Variants in PDSS2 observed in about 807,000 individuals in gnomAD.
PDSS2 encodes decaprenyl diphosphate synthase subunit 2, also known as all trans-polyprenyl-diphosphate synthase PDSS2.
Under a neutral mutation model 44.5 loss-of-function variants are expected in PDSS2, and 31 were observed. The observed-to-expected ratio is 0.70, with a 90% CI of 0.52 to 0.94. The LOEUF (loss-of-function observed/expected upper bound fraction) is 0.94. Ranked by LOEUF, PDSS2 falls within the 40% of genes least tolerant of loss-of-function variation. PDSS2 has a pLI of 0.00. For missense variants in PDSS2, 452 were observed against 482.2 expected, an observed-to-expected ratio of 0.94 and a Z score of 0.59; for synonymous variants, 157 against 180.3, an observed-to-expected ratio of 0.87 and a Z score of 1.03.
chr6:107,194,510 C>T (rs1407462936), intron 6 of PDSS2, among the ~76,000 whole-genome samples: 1 of 152,156 alleles, frequency 6.6e-6, no homozygotes, highest in Non-Finnish European at 1.5e-5. Context: ...TAACTTGTTT[C>T]TGTTTTGCTT....
At chr6:107,458,934 A>C in intron 1 of PDSS2, 56 bp downstream of exon 1, 1 of 1,543,568 alleles carries the variant, frequency 6.5e-7, no homozygotes, top group Non-Finnish European at 8.9e-7. Flanking sequence ...TATGCCCGCC[A>C]GAAAAAAAAG....
At chr6:107,168,572 C>T (rs1317999452) in intron 7 of PDSS2, among the ~76,000 whole-genome samples, 5 of 151,550 alleles carry the variant, frequency 3.3e-5, no homozygotes, top group African/African-American at 7.3e-5. Context: ...TTCCTAGCCT[C>T]GATGGTCTTT....
rs1554279679 is a variant in PDSS2, at chr6:107,424,036, C to CATTTTTT, written c.296+34953_296+34954insAAAAAAT. On this transcript the variant is annotated intron_variant, in intron 1 of 7. Transcript: ENST00000369037. ...AATTATGATTATTTTTATCTTGCAT[C>CATTTTTT]TTTTTTTTTTTTTTTTTTTTTTTGG... Among the ~76,000 whole-genome samples the CATTTTTT allele has an allele frequency of 4.4e-4, 40 of 90,580 alleles. 9 individuals carry two copies. Among genetic ancestry groups the CATTTTTT allele is most frequent in the African/African-American group, 8.2e-4 (18 of 21,954 alleles). The allele number at this position is 90,580 out of a possible 152,430, so 59.4% of individuals were successfully genotyped here.
At chr6:107,332,260 A>G (rs1179098028) in intron 2 of PDSS2, among the ~76,000 whole-genome samples, 1 of 151,958 alleles carries the variant, frequency 6.6e-6, no homozygotes, top group African/African-American at 2.4e-5. Flanking sequence ...ACATGCCACC[A>G]TGTCTGGCTA....
At chr6:107,228,555 C>T (rs1022961304) in intron 4 of PDSS2, among the ~76,000 whole-genome samples, 2 of 151,884 alleles carry the variant, frequency 1.3e-5, no homozygotes, top group Admixed American at 6.6e-5. Context: ...ATTAGCTGGG[C>T]GTGGTGGCAA....
intron 2 of PDSS2, among the ~76,000 whole-genome samples, chr6:107,322,051 T>G (rs1178425432): frequency 6.6e-6 from 1 of 152,338 alleles, no homozygotes; most frequent in African/African-American, 2.4e-5. Context: ...TAGATCAACC[T>G]ACACTCTTGC....
intron 1 of PDSS2, among the ~76,000 whole-genome samples, chr6:107,380,569 G>A (rs549405680): frequency 3.9e-5 from 6 of 152,236 alleles, no homozygotes; most frequent in Non-Finnish European, 8.8e-5. Context: ...TCCAGCCTGG[G>A]AGTAAAACTT....
At chr6:107,261,258 A>G (rs1374299338) in intron 3 of PDSS2, among the ~76,000 whole-genome samples, 1 of 152,170 alleles carries the variant, frequency 6.6e-6, no homozygotes, top group Non-Finnish European at 1.5e-5. Context: ...ACCCCAATGC[A>G]GGAGGTGGGG....
chr6:107,399,258 T>C (rs528391722), intron 1 of PDSS2, among the ~76,000 whole-genome samples: 1 of 152,326 alleles, frequency 6.6e-6, no homozygotes, highest in South Asian at 2.1e-4. Flanking sequence ...GTACCTACCC[T>C]TGGTCTTATC....
chr6:107,386,384 A>AC, intron 1 of PDSS2, among the ~76,000 whole-genome samples: 1 of 151,978 alleles, frequency 6.6e-6, no homozygotes, highest in Middle Eastern at 3.4e-3. Context: ...TTTTCTAAAA[A>AC]AAAAAAAAAC....
intron 1 of PDSS2, among the ~76,000 whole-genome samples, chr6:107,417,454 T>C (rs1334816327): frequency 2.0e-5 from 3 of 152,152 alleles, no homozygotes; most frequent in Admixed American, 6.6e-5. Context: ...CATCATGGAA[T>C]CTATCTAATA....
chr6:107,229,119 T>A (rs567164958), intron 4 of PDSS2, among the ~76,000 whole-genome samples: 33 of 152,230 alleles, frequency 2.2e-4, no homozygotes, highest in African/African-American at 7.9e-4. Flanking sequence ...AAAAAACAGC[T>A]TTTACATGTA....
intron 4 of PDSS2, among the ~76,000 whole-genome samples, chr6:107,213,759 C>T (rs1273054560): frequency 6.6e-6 from 1 of 151,782 alleles, no homozygotes; most frequent in Non-Finnish European, 1.5e-5. Flanking sequence ...TGTCTCAAAA[C>T]AAAGAAACAA....
chr6:107,164,371 G>A (rs1028615449), intron 7 of PDSS2, among the ~76,000 whole-genome samples: 6 of 152,058 alleles, frequency 3.9e-5, no homozygotes, highest in Admixed American at 1.3e-4. Context: ...CTGTGTCCAG[G>A]TGTTCTCATT....
chr6:107,456,214 G>C (rs1484897252), intron 1 of PDSS2, among the ~76,000 whole-genome samples: 1 of 152,116 alleles, frequency 6.6e-6, no homozygotes, highest in Non-Finnish European at 1.5e-5. Context: ...CCAGGTACTT[G>C]GGGGGCTGAG....
At chr6:107,233,108 C>T (rs1367639082) in intron 4 of PDSS2, among the ~76,000 whole-genome samples, 5 of 152,150 alleles carry the variant, frequency 3.3e-5, no homozygotes, top group Admixed American at 6.5e-5. Flanking sequence ...TGAGCCACTG[C>T]GCTGGGTCCA....
chr6:107,294,836 A>T (rs970659042), intron 2 of PDSS2, among the ~76,000 whole-genome samples: 2 of 152,138 alleles, frequency 1.3e-5, no homozygotes, highest in Non-Finnish European at 2.9e-5. Flanking sequence ...CTGCTAACAA[A>T]CCTCATTGCC....
intron 1 of PDSS2, among the ~76,000 whole-genome samples, chr6:107,370,341 T>C (rs1327050397): frequency 6.6e-6 from 1 of 152,204 alleles, no homozygotes; most frequent in Non-Finnish European, 1.5e-5. Flanking sequence ...CAACTCTTCA[T>C]TGAATCATTT....
chr6:107,222,670 A>G (rs2114687345), intron 4 of PDSS2, among the ~76,000 whole-genome samples: 1 of 151,586 alleles, frequency 6.6e-6, no homozygotes, highest in East Asian at 1.9e-4. Context: ...AAAAAAAAAA[A>G]GGTAAGATTT....
Sources: allele counts gnomAD v4.1 joint callset (sites outside exome capture counted in the v4.1 genomes callset), GRCh38; gene constraint gnomAD v4.1.1; transcripts MANE v1.5; gene names NCBI Gene and HGNC (gene_info 2026-07-23, HGNC 2026-07-21).